CFAP54: variants seen among roughly 807,000 people sequenced by gnomAD.
CFAP54 encodes the protein cilia and flagella associated protein 54, also known as cilia- and flagella-associated protein 54.
In CFAP54, 290 loss-of-function variants were observed where a neutral mutation model predicts 370.4. That is an observed-to-expected ratio of 0.78 (90% confidence interval 0.71 to 0.86). The LOEUF (loss-of-function observed/expected upper bound fraction) is 0.86, where lower values mean the gene tolerates loss of function less well. CFAP54 is among the 40% of genes least tolerant of loss of function. The pLI is 0.00. For synonymous variants in CFAP54, 1,206 were observed against 1,236.5 expected (o/e 0.98, Z 0.52); for missense variants, 3,399 against 3,528.7 (o/e 0.96, Z 0.93).
At chr12:96,688,577 G>A (rs7137941) in intron 42 of CFAP54, among the ~76,000 whole-genome samples, 38,308 of 151,978 alleles carry the variant, frequency 0.25, 4,999 homozygotes, top group South Asian at 0.29. Flanking sequence ...GATATAGTTC[G>A]TTATGTCTGT....
chr12:96,609,237 G>C (rs1956330475), intron 26 of CFAP54, among the ~76,000 whole-genome samples: 1 of 152,150 alleles, frequency 6.6e-6, no homozygotes, highest in African/African-American at 2.4e-5. Flanking sequence ...ATGGCATTTG[G>C]TCACTTTCTG....
At chr12:96,612,239 T>C (rs1956366370) in intron 26 of CFAP54, among the ~76,000 whole-genome samples, 2 of 152,226 alleles carry the variant, frequency 1.3e-5, no homozygotes, top group Admixed American at 1.3e-4. Flanking sequence ...ATATTCAACA[T>C]TCTTAAAGAA....
At chr12:96,696,841 GA>G (rs1352152670) in intron 45 of CFAP54, among the ~76,000 whole-genome samples, 11 of 152,188 alleles carry the variant, frequency 7.2e-5, no homozygotes, top group African/African-American at 2.7e-4. Flanking sequence ...GAGTTTGCCT[GA>G]CCTTTCTGAA....
At chr12:96,592,002 C>G (rs892918174) in intron 23 of CFAP54, among the ~76,000 whole-genome samples, 1 of 150,464 alleles carries the variant, frequency 6.6e-6, no homozygotes, top group African/African-American at 2.5e-5. Flanking sequence ...TTGATGTAAT[C>G]GAACATGAAT....
chr12:96,552,246 CAAA>C (rs374756712), intron 15 of CFAP54, among the ~76,000 whole-genome samples: 14 of 41,010 alleles, frequency 3.4e-4, no homozygotes, highest in South Asian at 9.0e-4. Context: ...AACTACATCT[CAAA>C]AAAAAAAAAA....
At chr12:96,798,576 G>T (rs1958789584) in intron 63 of CFAP54, among the ~76,000 whole-genome samples, 1 of 151,880 alleles carries the variant, frequency 6.6e-6, no homozygotes, top group Non-Finnish European at 1.5e-5. Flanking sequence ...ATTTTAGTGG[G>T]TAAGAACACA....
chr12:96,752,085 T>TGAGAGAGAGAGAGAGAGAGA lies in CFAP54; in HGVS notation c.7685-1629_7685-1610dup, dbSNP rs55648812. 1.0e-3 allele frequency among the ~76,000 whole-genome samples: 92 copies of TGAGAGAGAGAGAGAGAGAGA among 90,614 alleles called. 5 individuals carry two copies. The highest frequency in any genetic ancestry group is 2.1e-3 in the South Asian group (5 of 2,378). 59.4% of individuals were successfully genotyped at this position (90,614 alleles called of 152,430 possible). On this transcript the variant is annotated intron_variant, in intron 55 of 67. Transcript: ENST00000524981. ...AAGGACTCAGTAACTTCTTCCTGGATGAGAGAGAGAGAGAGAGAGAGAGAG... is the reference window on the plus strand; with the variant it reads ...AAGGACTCAGTAACTTCTTCCTGGATGAGAGAGAGAGAGAGAGAGAGAGAGAGAGAGAGAGAGAGAGAGAG...
At chr12:96,850,205 C>T (rs1232835466) in intron 66 of CFAP54, among the ~76,000 whole-genome samples, 21 of 140,814 alleles carry the variant, frequency 1.5e-4, no homozygotes, top group Non-Finnish European at 2.7e-4. Context: ...ATGGTGAAAC[C>T]CTGTCTCTAC....
intron 36 of CFAP54, among the ~76,000 whole-genome samples, chr12:96,656,602 A>C (rs1185031990): frequency 6.6e-6 from 1 of 152,206 alleles, no homozygotes; most frequent in Non-Finnish European, 1.5e-5. Context: ...GCTGGTCTCA[A>C]ACTCCCGACC....
chr12:96,618,536 T>C (rs893358300), intron 26 of CFAP54, among the ~76,000 whole-genome samples: 1 of 152,140 alleles, frequency 6.6e-6, no homozygotes, highest in Non-Finnish European at 1.5e-5. Context: ...ACATTTCCTC[T>C]GTGGACAGGA....
chr12:96,570,957 G>A (rs1457644844), intron 19 of CFAP54, among the ~76,000 whole-genome samples: 1 of 151,890 alleles, frequency 6.6e-6, no homozygotes, highest in African/African-American at 2.4e-5. Flanking sequence ...TCCTTCTCAG[G>A]ATTCTTGGAT....
chr12:96,509,677 G>A (rs1394414662), intron 4 of CFAP54, among the ~76,000 whole-genome samples: 4 of 152,036 alleles, frequency 2.6e-5, no homozygotes, highest in Non-Finnish European at 5.9e-5. Flanking sequence ...TTATCCGGGT[G>A]TGGTGGTGCA....
intron 23 of CFAP54, among the ~76,000 whole-genome samples, chr12:96,592,229 TTTG>T (rs1219918823): frequency 6.6e-6 from 1 of 152,200 alleles, no homozygotes; most frequent in Non-Finnish European, 1.5e-5. Flanking sequence ...CTATAGTGAT[TTTG>T]TTATCTTGAT....
At chr12:96,604,372 T>C (rs951173008) in intron 26 of CFAP54, among the ~76,000 whole-genome samples, 1 of 152,188 alleles carries the variant, frequency 6.6e-6, no homozygotes, top group Non-Finnish European at 1.5e-5. Flanking sequence ...CTGTTGGCCC[T>C]ACTGGCAGGA....
chr12:96,589,392 A>C, intron 22 of CFAP54, 35 bp from the exon 23 acceptor site: 1 of 1,461,154 alleles, frequency 6.8e-7, no homozygotes, highest in Non-Finnish European at 9.2e-7. Flanking sequence ...ATTCACGAAT[A>C]AAACTATTAC....
chr12:96,658,091 C>T lies in CFAP54; in HGVS notation c.5310C>T (p.Phe1770=), dbSNP rs768774190. 4 of 1,611,054 alleles carry T rather than the reference C, an allele frequency of 2.5e-6. No individual in the cohort carries two copies. In the Admixed American group the frequency reaches 5.0e-5, roughly 20 times the overall value. The change falls in exon 37 of 68, where the codon TTC becomes TTT. Residue 1770 remains phenylalanine (F), a synonymous_variant. Transcript: ENST00000524981. ...CACTAGTATCTCTTGCCATTCAGTT[C>T]AATACAGTTTCACAGTAAGTACTGC... ...WETLVSLAIQ[F]NTVSHERYTE... is the part of the protein sequence containing the mutation.
At chr12:96,647,457 A>G (rs1335610284) in intron 33 of CFAP54, among the ~76,000 whole-genome samples, 3 of 113,136 alleles carry the variant, frequency 2.7e-5, no homozygotes, top group African/African-American at 9.8e-5. Context: ...TGGGCGACAG[A>G]GCGAGACTCT....
intron 66 of CFAP54, among the ~76,000 whole-genome samples, chr12:96,850,672 C>T (rs1565760880): frequency 2.0e-5 from 3 of 151,790 alleles, no homozygotes; most frequent in African/African-American, 4.8e-5. Context: ...AAGATACTAT[C>T]TGAAACTGGG....
chr12:96,621,875 GTTTTTTTT>G (rs71068819), intron 27 of CFAP54, among the ~76,000 whole-genome samples, 154 bp downstream of exon 27: 3 of 50,032 alleles, frequency 6.0e-5, no homozygotes, highest in African/African-American at 8.6e-5. Flanking sequence ...TTTTGGGTTT[GTTTTTTTT>G]TTTTTTTTTT....
Sources: gnomAD v4.1 joint callset for allele counts (sites outside exome capture counted in the v4.1 genomes callset) on GRCh38, gnomAD v4.1.1 for gene constraint, MANE v1.5 for transcripts, NCBI Gene and HGNC (gene_info 2026-07-23, HGNC 2026-07-21) for gene names.